Variants in TXLNB observed in about 807,000 individuals in gnomAD.
TXLNB encodes the protein taxilin beta, also known as beta-taxilin.
TXLNB carries 37 observed loss-of-function variants against 57.4 expected under a neutral mutation model. The observed-to-expected ratio is 0.64, with a 90% confidence interval of 0.50 to 0.85. The LOEUF is 0.85. Among genes scored for constraint, TXLNB ranks in the 40% least tolerant of loss-of-function variants. The pLI is 0.00. For synonymous variants in TXLNB, 302 were observed against 309.6 expected (o/e 0.98, Z 0.26); for missense variants, 848 against 825.6 (o/e 1.03, Z -0.33).
chr6:139,165,482 A>G, the TXLNB span, among the ~76,000 whole-genome samples: 2 of 152,100 alleles, frequency 1.3e-5, no homozygotes, highest in Non-Finnish European at 2.9e-5. Context: ...TGACAAATGT[A>G]TAATGACGTG....
At chr6:139,216,734 A>G in the TXLNB span, among the ~76,000 whole-genome samples, 2 of 152,232 alleles carry the variant, frequency 1.3e-5, no homozygotes, top group African/African-American at 4.8e-5. Context: ...ATGGAGCTGG[A>G]GGACATTATT....
At chr6:139,224,893 G>C in the TXLNB span, among the ~76,000 whole-genome samples, 2 of 151,902 alleles carry the variant, frequency 1.3e-5, no homozygotes, top group East Asian at 3.9e-4. Context: ...TGTAAAAAAA[G>C]AAAATTACAA....
At chr6:139,322,889 C>T in the TXLNB span, among the ~76,000 whole-genome samples, 6 of 152,148 alleles carry the variant, frequency 3.9e-5, no homozygotes, top group African/African-American at 1.4e-4. Flanking sequence ...CAGGCATTTT[C>T]GCTGGGTTTT....
chr6:139,288,142 G>C (rs1305412439), intron 2 of TXLNB, among the ~76,000 whole-genome samples: 1 of 152,252 alleles, frequency 6.6e-6, no homozygotes, highest in Non-Finnish European at 1.5e-5. Flanking sequence ...AGAGTGTTCA[G>C]GAAGGTGATG....
intron 7 of TXLNB, among the ~76,000 whole-genome samples, chr6:139,254,220 G>A (rs1038320620): frequency 1.3e-5 from 2 of 152,120 alleles, no homozygotes; most frequent in African/African-American, 4.8e-5. Flanking sequence ...AAGAAGGCTA[G>A]ATATGAAAAT....
the TXLNB span, among the ~76,000 whole-genome samples, chr6:139,206,090 A>T: frequency 6.6e-6 from 1 of 152,212 alleles, no homozygotes. Flanking sequence ...TTCGTAAATG[A>T]AGGAGAGATA....
chr6:139,255,353 C>T (rs979693522), intron 7 of TXLNB: 62 of 599,248 alleles, frequency 1.0e-4, no homozygotes, highest in African/African-American at 8.2e-4. Flanking sequence ...TGGATGTTGC[C>T]GGCGCAGAAC....
At chr6:139,275,838 A>T (rs1776881436) in intron 3 of TXLNB, among the ~76,000 whole-genome samples, 1 of 152,246 alleles carries the variant, frequency 6.6e-6, no homozygotes. Flanking sequence ...AAAGGGGCCC[A>T]TGCAAGTGAG....
chr6:139,257,823 A>G (rs1355311495), intron 6 of TXLNB, among the ~76,000 whole-genome samples: 1 of 152,130 alleles, frequency 6.6e-6, no homozygotes, highest in East Asian at 1.9e-4. Flanking sequence ...CTTTTTCCTC[A>G]TCTAAGTTTG....
the TXLNB span, among the ~76,000 whole-genome samples, chr6:139,305,249 G>T: frequency 1.3e-5 from 2 of 152,160 alleles, no homozygotes; most frequent in Non-Finnish European, 2.9e-5. Flanking sequence ...TGTTGTGAAA[G>T]ATTGGAAATT....
chr6:139,161,300 C>T, the TXLNB span, among the ~76,000 whole-genome samples: 1 of 152,074 alleles, frequency 6.6e-6, no homozygotes, highest in Non-Finnish European at 1.5e-5. Context: ...ATGCTCTTGG[C>T]TTTGTATTTG....
chr6:139,203,946 TA>T, the TXLNB span, among the ~76,000 whole-genome samples: 37 of 152,220 alleles, frequency 2.4e-4, no homozygotes, highest in Non-Finnish European at 1.2e-4. Flanking sequence ...CATTCCTATT[TA>T]AAGCCTTGGT....
Position 139,255,453 on chromosome 6 carries a change from C to T in TXLNB, c.1077+111G>A, listed in dbSNP as rs1211735138. On this transcript the variant is annotated intron_variant, in intron 7 of 9. Transcript: ENST00000358430. Reference sequence around the variant, plus strand: ...GTTGTTCTTCATTTCCAATTCCCATCCCCCCATCCCCTGCCACATAGGAGG... The same window carrying T: ...GTTGTTCTTCATTTCCAATTCCCATTCCCCCATCCCCTGCCACATAGGAGG... 1.4e-5 allele frequency: 11 copies of T among 795,420 alleles called. No homozygotes were observed. In the Admixed American group the frequency reaches 1.9e-4, roughly 14 times the overall value. 49.3% of individuals were successfully genotyped at this position (795,420 alleles called of 1,614,324 possible).
At chr6:139,262,029 G>A (rs896433680) in intron 5 of TXLNB, among the ~76,000 whole-genome samples, 17 of 150,202 alleles carry the variant, frequency 1.1e-4, no homozygotes, top group African/African-American at 3.0e-4. Context: ...TCAGCCTCTC[G>A]AGTAGCTGGG....
rs1387251516 is a variant in TXLNB at position 139,241,397 on chromosome 6, C to T, written c.*1129G>A. On this transcript the variant is annotated 3_prime_UTR_variant, in exon 10 of 10. Coordinates refer to ENST00000358430, the MANE Select transcript of TXLNB (RefSeq NM_153235.4). Reference sequence around the variant, plus strand: ...AAAGGAGAAATTGGGAAGGAAGGAGCAGAAGCTTTTAGAATATAGAATGGG... The same window carrying T: ...AAAGGAGAAATTGGGAAGGAAGGAGTAGAAGCTTTTAGAATATAGAATGGG... 1 of 152,164 alleles carries T rather than the reference C, an allele frequency of 6.6e-6. No homozygotes were observed. The highest frequency in any genetic ancestry group is 1.5e-5 in the Non-Finnish European group (1 of 68,066). The allele number at this position is 152,164 out of a possible 1,614,324, so 9.4% of individuals were successfully genotyped here.
chr6:139,284,968 G>A lies in TXLNB; in HGVS notation c.424+3508C>T, dbSNP rs552920533. Among the ~76,000 whole-genome samples, 7 of 145,368 alleles carry A rather than the reference G, an allele frequency of 4.8e-5. 1 individual carries two copies. The East Asian group carries it at 9.9e-4, about 21-fold the overall frequency. On this transcript the variant is annotated intron_variant, in intron 2 of 9. Transcript: ENST00000358430. ...ACAGTGTTTAAAATAATATGCTAAT[G>A]ATGATGAGTGGGAAGGCACAGAAAG...
rs745382190 is a variant in TXLNB, at chr6:139,242,617, G to T, written c.1964C>A (p.Pro655Gln). The T allele has an allele frequency of 6.3e-7, 1 of 1,595,078 alleles. No individual in the cohort carries two copies. Residue 655 changes from proline (P) to glutamine (Q), a missense_variant, in exon 10 of 10, where the codon CCA (proline) becomes CAA (glutamine). Physicochemically the swap from Pro to Gln is moderately conservative, Grantham distance 76. Coordinates refer to ENST00000358430, the MANE Select transcript of TXLNB (RefSeq NM_153235.4). Reference protein sequence around the residue: ...VPACEPSRQPPRAAAEELPVG... With the variant: ...VPACEPSRQPQRAAAEELPVG... Reference sequence around the variant, plus strand: ...TGGCAGCTCCTCTGCTGCTGCTCGTGGGGGCTGCCTACTGGGCTCGCATGC... The same window carrying T: ...TGGCAGCTCCTCTGCTGCTGCTCGTTGGGGCTGCCTACTGGGCTCGCATGC...
the TXLNB span, among the ~76,000 whole-genome samples, chr6:139,182,515 T>C: frequency 6.6e-6 from 1 of 152,232 alleles, no homozygotes; most frequent in Non-Finnish European, 1.5e-5. Flanking sequence ...TGACTTAAAT[T>C]TGGCAAATTC....
chr6:139,200,530 G>T, the TXLNB span, among the ~76,000 whole-genome samples: 7 of 152,286 alleles, frequency 4.6e-5, no homozygotes, highest in South Asian at 8.3e-4. Flanking sequence ...AAGTAATTTT[G>T]GGATGCCATG....
Sources: gnomAD v4.1 joint callset for allele counts (sites outside exome capture counted in the v4.1 genomes callset) on GRCh38, gnomAD v4.1.1 for gene constraint, MANE v1.5 for transcripts, NCBI Gene and HGNC (gene_info 2026-07-23, HGNC 2026-07-21) for gene names.